The following ENOX1 variants were observed in gnomAD, a reference collection of about 807,000 sequenced individuals.
ENOX1 encodes ecto-NOX disulfide-thiol exchanger 1.
A neutral mutation model predicts 82.5 loss-of-function variants in ENOX1; 42 were observed. The ratio of observed to expected loss-of-function variants is 0.51; its 90% confidence interval spans 0.40 to 0.66. The LOEUF is 0.66. ENOX1 is among the 30% of genes least tolerant of loss of function. The pLI is 0.00. For synonymous variants in ENOX1, 271 were observed against 282.2 expected (o/e 0.96, Z 0.40); for missense variants, 608 against 811.6 (o/e 0.75, Z 3.05).
At chr13:43,215,789 C>T (rs542969572) in intron 16 of ENOX1, among the ~76,000 whole-genome samples, 2 of 152,316 alleles carry the variant, frequency 1.3e-5, no homozygotes, top group Middle Eastern at 3.4e-3. Flanking sequence ...TCAGATCCCC[C>T]AGCCAGCCTC....
chr13:43,556,084 T>TGA, intron 2 of ENOX1, among the ~76,000 whole-genome samples: 1 of 152,326 alleles, frequency 6.6e-6, no homozygotes, highest in East Asian at 1.9e-4. Context: ...GTTCAATGTA[T>TGA]AGCAAAAAGC....
intron 1 of ENOX1, among the ~76,000 whole-genome samples, chr13:43,775,659 AG>A (rs1951874575): frequency 6.6e-6 from 1 of 152,120 alleles, no homozygotes; most frequent in African/African-American, 2.4e-5. Context: ...ATAGCGCTAA[AG>A]CTTGTTCTTA....
At chr13:43,431,655 G>T (rs1316139663) in intron 3 of ENOX1, among the ~76,000 whole-genome samples, 1 of 151,970 alleles carries the variant, frequency 6.6e-6, no homozygotes, top group Non-Finnish European at 1.5e-5. Flanking sequence ...TCCCACATAC[G>T]CAAATTCATT....
At chr13:43,253,272 TTC>T (rs143072674) in intron 14 of ENOX1, among the ~76,000 whole-genome samples, 13,412 of 152,276 alleles carry the variant, frequency 0.088, 769 homozygotes, top group Non-Finnish European at 0.13. Context: ...GTTCCAGTCT[TTC>T]CCGCCTTTCT....
At chr13:43,463,791 A>T (rs1201166410) in intron 3 of ENOX1, among the ~76,000 whole-genome samples, 1 of 152,192 alleles carries the variant, frequency 6.6e-6, no homozygotes, top group Admixed American at 6.5e-5. Flanking sequence ...TAAAACGTTG[A>T]ATTTGTATTT....
chr13:43,496,298 T>A (rs1462171390), intron 2 of ENOX1, among the ~76,000 whole-genome samples: 3 of 152,146 alleles, frequency 2.0e-5, no homozygotes, highest in Non-Finnish European at 4.4e-5. Context: ...AGTATATACT[T>A]TGAATCAATT....
chr13:43,611,436 T>C (rs1047637266), intron 2 of ENOX1, among the ~76,000 whole-genome samples: 1 of 152,226 alleles, frequency 6.6e-6, no homozygotes, highest in Non-Finnish European at 1.5e-5. Flanking sequence ...ATCCGTCATT[T>C]TGGATTTATG....
intron 1 of ENOX1, among the ~76,000 whole-genome samples, chr13:43,686,296 T>A (rs299348): frequency 0.88 from 134,501 of 152,102 alleles, 60,306 homozygotes; most frequent in East Asian, 0.99. Flanking sequence ...AAGTCTCCCC[T>A]GTTAATCAGA....
chr13:43,512,456 CATA>C (rs1361393553), intron 2 of ENOX1, among the ~76,000 whole-genome samples: 1 of 152,086 alleles, frequency 6.6e-6, no homozygotes, highest in Admixed American at 6.6e-5. Context: ...CAAAGTCTAC[CATA>C]ATATTTTGAA....
At chr13:43,275,337 G>A (rs536053982) in intron 12 of ENOX1, among the ~76,000 whole-genome samples, 1 of 152,196 alleles carries the variant, frequency 6.6e-6, no homozygotes, top group African/African-American at 2.4e-5. Flanking sequence ...ATGTAAGTTT[G>A]GTTCCATGAA....
intron 3 of ENOX1, among the ~76,000 whole-genome samples, chr13:43,470,253 T>TATATATACATATATATACAC: frequency 1.5e-5 from 1 of 65,588 alleles, no homozygotes; most frequent in Non-Finnish European, 4.0e-5. Flanking sequence ...TATATACATA[T>TATATATACATATATATACAC]ATATATACAT....
intron 11 of ENOX1, among the ~76,000 whole-genome samples, chr13:43,321,759 A>G (rs1288447729): frequency 6.6e-6 from 1 of 152,194 alleles, no homozygotes; most frequent in East Asian, 1.9e-4. Context: ...GTTTTGAATG[A>G]GCTTTTCCCT....
In ENOX1 at chr13:43,359,939, A is replaced by C; in HGVS notation, c.501T>G (p.Asp167Glu). Residue 167 changes from aspartate (D) to glutamate (E), a missense_variant, in exon 7 of 17, where the codon GAT becomes GAG. Transcript: ENST00000690772. ...TCTTGCTTTTCCGAATTGCTGTAAT[A>C]TCACCGCACTGTTCAAAGACTTCTT... ...IIQEVFEQCG[D>E]ITAIRKSKKN... is the part of the protein sequence containing the mutation. The C allele has an allele frequency of 6.2e-7, 1 of 1,614,228 alleles. No individual in the cohort carries two copies. Among genetic ancestry groups the C allele is most frequent in the Non-Finnish European group, 8.5e-7 (1 of 1,180,032 alleles).
chr13:43,617,842 A>C (rs1404972531), intron 2 of ENOX1, among the ~76,000 whole-genome samples: 1 of 152,160 alleles, frequency 6.6e-6, no homozygotes, highest in Non-Finnish European at 1.5e-5. Flanking sequence ...TTCCCACAAG[A>C]AGTGTAGAAG....
chr13:43,726,215 CTT>C (rs112974839), intron 1 of ENOX1, among the ~76,000 whole-genome samples: 19 of 135,428 alleles, frequency 1.4e-4, no homozygotes, highest in Admixed American at 1.5e-4. Flanking sequence ...AATTTTTCAT[CTT>C]TTTTTTTTTT....
At chr13:43,518,626 G>A (rs1264986466) in intron 2 of ENOX1, among the ~76,000 whole-genome samples, 1 of 151,950 alleles carries the variant, frequency 6.6e-6, no homozygotes, top group Non-Finnish European at 1.5e-5. Flanking sequence ...CCCAAATTTT[G>A]TTCATGCAAT....
chr13:43,760,237 C>T (rs559374690), intron 1 of ENOX1, among the ~76,000 whole-genome samples: 11 of 152,304 alleles, frequency 7.2e-5, no homozygotes, highest in African/African-American at 2.6e-4. Context: ...GAATGTATCA[C>T]CTTGTACTAA....
chr13:43,658,881 C>G (rs68136807), intron 2 of ENOX1, among the ~76,000 whole-genome samples: 11,463 of 152,182 alleles, frequency 0.075, 587 homozygotes, highest in East Asian at 0.27. Flanking sequence ...TGTAAAGTTT[C>G]ATGATCATCT....
At chr13:43,424,290 C>T (rs1417636361) in intron 3 of ENOX1, among the ~76,000 whole-genome samples, 4 of 152,162 alleles carry the variant, frequency 2.6e-5, no homozygotes, top group Non-Finnish European at 5.9e-5. Flanking sequence ...TCATTATGTA[C>T]TCATTTTACA....
Sources: allele counts gnomAD v4.1 joint callset (sites outside exome capture counted in the v4.1 genomes callset), GRCh38; gene constraint gnomAD v4.1.1; transcripts MANE v1.5; gene names NCBI Gene and HGNC (gene_info 2026-07-23, HGNC 2026-07-21).